CPM: variants seen among roughly 807,000 people sequenced by gnomAD.
CPM encodes the protein renal carboxypeptidase.
CPM carries 35 observed loss-of-function variants against 46.4 expected under a neutral mutation model. The ratio of observed to expected loss-of-function variants is 0.75; its 90% CI spans 0.58 to 1.00. CPM has a LOEUF of 1.00. Ranked by LOEUF, CPM falls within the 50% of genes least tolerant of loss-of-function variation. The probability of loss-of-function intolerance (pLI) is 0.00; values close to 1 mark genes in which losing one functional copy is unlikely to be tolerated. For missense variants in CPM, 422 were observed against 530.4 expected, an observed-to-expected ratio of 0.80 and a Z score of 2.01; for synonymous variants, 195 against 195.3, an observed-to-expected ratio of 1.00 and a Z score of 0.01.
upstream of CPM, among the ~76,000 whole-genome samples, chr12:68,934,255 A>C (rs1888626354): frequency 6.6e-6 from 1 of 152,218 alleles, no homozygotes; most frequent in South Asian, 2.1e-4. Context: ...CCACTTTTAC[A>C]GACTAAAAAT....
chr12:68,948,432 T>A, intron 1 of CPM, among the ~76,000 whole-genome samples: 1 of 152,050 alleles, frequency 6.6e-6, no homozygotes, highest in Admixed American at 6.5e-5. Context: ...ATAAAACCAA[T>A]GCATTATTGA....
chr12:68,924,419 G>T (rs781265572), intron 2 of CPM, among the ~76,000 whole-genome samples: 1 of 151,518 alleles, frequency 6.6e-6, no homozygotes, highest in African/African-American at 2.4e-5. Context: ...CCCAGGAGGC[G>T]GAGTGAGCCG....
intron 2 of CPM, among the ~76,000 whole-genome samples, chr12:68,915,232 C>A (rs1234207649): frequency 1.3e-5 from 2 of 151,988 alleles, no homozygotes; most frequent in Non-Finnish European, 2.9e-5. Context: ...TCTTTTAAAC[C>A]ACAATGACAA....
At chr12:68,938,885 TTATA>T (rs1187535314) in intron 1 of CPM, among the ~76,000 whole-genome samples, 2 of 148,912 alleles carry the variant, frequency 1.3e-5, no homozygotes, top group South Asian at 2.1e-4. Context: ...GTATATCTAT[TTATA>T]TATGTACATA....
At chr12:68,937,813 A>G (rs572434123), upstream of CPM, among the ~76,000 whole-genome samples, 4 of 152,330 alleles carry the variant, frequency 2.6e-5, no homozygotes, top group African/African-American at 9.6e-5. Context: ...CCAAACATGC[A>G]TTGCTTTTTT....
At chr12:68,916,781 C>T (rs182326970) in intron 2 of CPM, among the ~76,000 whole-genome samples, 60 of 150,560 alleles carry the variant, frequency 4.0e-4, no homozygotes, top group Middle Eastern at 6.9e-3. Flanking sequence ...CCCAGCTACT[C>T]GGGGGCTGAG....
In CPM at chr12:68,878,388, A is replaced by G. The variant is rs146217663; in HGVS notation, c.259-6432T>C. On this transcript the variant is annotated intron_variant, in intron 3 of 8. Coordinates refer to ENST00000551568, the MANE Select transcript of CPM (RefSeq NM_198320.5). ...GGCCACAAGATTCCAAGCCTCCCCA[A>G]TTGCTCAGAGGGATAATATCACTAT... 2.4e-3 allele frequency among the ~76,000 whole-genome samples: 372 copies of G among 152,306 alleles called. 1 individual carries two copies. Among genetic ancestry groups the G allele is most frequent in the African/African-American group, 8.4e-3 (351 of 41,566 alleles).
chr12:68,908,375 A>G (rs2136287940), intron 2 of CPM, among the ~76,000 whole-genome samples: 1 of 150,450 alleles, frequency 6.6e-6, no homozygotes, highest in East Asian at 1.9e-4. Context: ...TTATGACCTG[A>G]ATCTACTCCA....
intron 1 of CPM, chr12:68,963,041 G>C (rs1889148044): frequency 6.5e-6 from 1 of 152,728 alleles, no homozygotes; most frequent in Non-Finnish European, 1.5e-5. Flanking sequence ...AGGGCCTCTT[G>C]AGGCTGTGTC....
chr12:68,892,067 TG>T (rs1295991915), intron 2 of CPM, among the ~76,000 whole-genome samples: 1 of 152,050 alleles, frequency 6.6e-6, no homozygotes, highest in African/African-American at 2.4e-5. Flanking sequence ...GCTCTCCAGG[TG>T]ATTCCCAGTC....
At chr12:68,895,359 G>T (rs1886828604) in intron 2 of CPM, among the ~76,000 whole-genome samples, 1 of 152,176 alleles carries the variant, frequency 6.6e-6, no homozygotes, top group African/African-American at 2.4e-5. Flanking sequence ...GACAGGCAAT[G>T]ATTGGATAGA....
chr12:68,871,199 A>C (rs1038651270), intron 4 of CPM, among the ~76,000 whole-genome samples: 1 of 152,234 alleles, frequency 6.6e-6, no homozygotes, highest in African/African-American at 2.4e-5. Flanking sequence ...TACTGGCCTA[A>C]TAAATCAACC....
intron 1 of CPM, among the ~76,000 whole-genome samples, chr12:68,938,470 T>C (rs1260988040): frequency 6.6e-6 from 1 of 152,054 alleles, no homozygotes; most frequent in Non-Finnish European, 1.5e-5. Flanking sequence ...ACCAGCGCCC[T>C]AATGTGGCAC....
chr12:68,847,159 T>A (rs1200326536), downstream of CPM: 20 of 96,532 alleles, frequency 2.1e-4, no homozygotes, highest in African/African-American at 9.6e-4. Flanking sequence ...TATATATATA[T>A]AATACATATG....
intron 7 of CPM, among the ~76,000 whole-genome samples, chr12:68,859,854 T>C (rs1284424551): frequency 1.3e-5 from 2 of 152,198 alleles, no homozygotes; most frequent in Non-Finnish European, 2.9e-5. Context: ...TTTTAAGACC[T>C]TTCTTATTTT....
chr12:68,940,947 C>A (rs117457846), intron 1 of CPM, among the ~76,000 whole-genome samples: 1 of 152,046 alleles, frequency 6.6e-6, no homozygotes, highest in South Asian at 2.1e-4. Flanking sequence ...CTTTTTCAAA[C>A]CTTGCAAAAC....
At chr12:68,955,036 C>T (rs957979815) in intron 1 of CPM, among the ~76,000 whole-genome samples, 3 of 152,172 alleles carry the variant, frequency 2.0e-5, no homozygotes, top group African/African-American at 4.8e-5. Context: ...GGACCCTGCG[C>T]TTGCTTGCCC....
intron 2 of CPM, among the ~76,000 whole-genome samples, chr12:68,925,870 C>T (rs1268006676): frequency 1.3e-5 from 2 of 152,078 alleles, no homozygotes; most frequent in Non-Finnish European, 2.9e-5. Flanking sequence ...CTGCTAGTTA[C>T]AATAATGTAA....
chr12:68,916,267 G>A (rs1033395216), intron 2 of CPM, among the ~76,000 whole-genome samples: 1 of 152,010 alleles, frequency 6.6e-6, no homozygotes, highest in African/African-American at 2.4e-5. Context: ...CATAGAATTT[G>A]TCTCCAAAAT....
Sources: allele counts gnomAD v4.1 joint callset (sites outside exome capture counted in the v4.1 genomes callset), GRCh38; gene constraint gnomAD v4.1.1; transcripts MANE v1.5; gene names NCBI Gene and HGNC (gene_info 2026-07-23, HGNC 2026-07-21).